Variants in XIRP2 observed in about 807,000 individuals in gnomAD.
XIRP2 encodes xin actin-binding repeat-containing protein 2.
XIRP2 carries 236 observed loss-of-function variants against 277.0 expected under a neutral mutation model. That is an observed-to-expected ratio of 0.85 (90% CI 0.77 to 0.95). The LOEUF (loss-of-function observed/expected upper bound fraction) is 0.95, where lower values mean the gene tolerates loss of function less well. Ranked by LOEUF, XIRP2 falls within the 40% of genes least tolerant of loss-of-function variation. The probability of loss-of-function intolerance (pLI) is 0.00; values close to 1 mark genes in which losing one functional copy is unlikely to be tolerated. For synonymous variants in XIRP2, 1,490 were observed against 1,416.5 expected (o/e 1.05, Z -1.17); for missense variants, 4,640 against 4,157.5 (o/e 1.12, Z -3.19).
intron 2 of XIRP2, among the ~76,000 whole-genome samples, chr2:167,053,032 G>T (rs759181981): frequency 2.0e-5 from 3 of 152,180 alleles, no homozygotes; most frequent in Non-Finnish European, 4.4e-5. Flanking sequence ...GATAGTTAAT[G>T]CATGACTCAG....
At position 166,903,764 on chromosome 2, in the gene XIRP2, A is replaced by T. The variant is rs199731929; in HGVS notation, c.282A>T (p.Glu94Asp). 5.1e-5 allele frequency: 82 copies of T among 1,613,544 alleles called. No individual in the cohort carries two copies. Among genetic ancestry groups the T allele is most frequent in the Middle Eastern group, 4.9e-4 (3 of 6,082 alleles). The change falls in exon 2 of 11, where the codon GAA (glutamate) becomes GAT (aspartate). Residue 94 changes from glutamate (E) to aspartate (D), a missense_variant. Transcript: ENST00000409195. ...ACACCAGGGAATATGGTCGGCCAGAAGTGCTGAAGGAGGATTCCCTGAGCA... is the reference window on the plus strand; with the variant it reads ...ACACCAGGGAATATGGTCGGCCAGATGTGCTGAAGGAGGATTCCCTGAGCA... ...SNNTREYGRP[E>D]VLKEDSLSSR...
intron 2 of XIRP2, among the ~76,000 whole-genome samples, chr2:167,051,296 TGTG>T (rs1489500027): frequency 8.5e-5 from 13 of 152,142 alleles, no homozygotes; most frequent in Non-Finnish European, 1.5e-4. Flanking sequence ...CCATTTACAG[TGTG>T]TCACCTCTAA....
intron 3 of XIRP2, among the ~76,000 whole-genome samples, chr2:167,169,337 A>G (rs1692616475): frequency 6.6e-6 from 1 of 152,216 alleles, no homozygotes; most frequent in South Asian, 2.1e-4. Flanking sequence ...GGGCTCTCCT[A>G]TGACTGCGTG....
At chr2:166,985,500 C>T (rs1282352623) in intron 2 of XIRP2, among the ~76,000 whole-genome samples, 3 of 151,534 alleles carry the variant, frequency 2.0e-5, no homozygotes, top group Non-Finnish European at 2.9e-5. Context: ...GTACGATCTC[C>T]GCTCACTGCA....
chr2:167,071,495 A>G (rs1392333818), intron 2 of XIRP2, among the ~76,000 whole-genome samples: 1 of 152,146 alleles, frequency 6.6e-6, no homozygotes, highest in Non-Finnish European at 1.5e-5. Context: ...TTTTCCTTGA[A>G]AGCTAAACTT....
chr2:167,249,085 A>G lies in XIRP2; in HGVS notation c.7693A>G (p.Ser2565Gly), dbSNP rs1573998366. 6.2e-7 allele frequency: 1 copy of G among 1,613,576 alleles called. No individual in the cohort carries two copies. The highest frequency in any genetic ancestry group is 2.2e-5 in the East Asian group (1 of 44,844). ...KEEIEKQKQE[S>G]SYYNIVKTQS... ...AGAAATTGAAAAACAGAAACAGGAGAGTTCTTACTACAACATTGTTAAAAC... is the reference window on the plus strand; with the variant it reads ...AGAAATTGAAAAACAGAAACAGGAGGGTTCTTACTACAACATTGTTAAAAC... Residue 2565 changes from serine (S) to glycine (G), a missense_variant, in exon 9 of 11, where the codon AGT becomes GGT. By Grantham distance (56) the Ser-to-Gly change is moderately conservative (BLOSUM62 0). Coordinates refer to ENST00000409195, the MANE Select transcript of XIRP2 (RefSeq NM_152381.6).
intron 2 of XIRP2, among the ~76,000 whole-genome samples, chr2:167,021,279 C>T (rs1177576426): frequency 6.6e-6 from 1 of 152,002 alleles, no homozygotes; most frequent in Admixed American, 6.6e-5. Context: ...TTCTTTATTG[C>T]TCTATTTGAA....
At chr2:166,999,793 C>T (rs549514337) in intron 2 of XIRP2, among the ~76,000 whole-genome samples, 12 of 152,050 alleles carry the variant, frequency 7.9e-5, no homozygotes, top group Admixed American at 6.5e-4. Flanking sequence ...ACATAGAGAA[C>T]TAAAAATTCA....
At chr2:166,917,682 C>G (rs1684927114) in intron 2 of XIRP2, among the ~76,000 whole-genome samples, 1 of 151,954 alleles carries the variant, frequency 6.6e-6, no homozygotes, top group African/African-American at 2.4e-5. Flanking sequence ...TTGCCTTCCA[C>G]TGGGAAAACT....
intron 1 of XIRP2, among the ~76,000 whole-genome samples, chr2:166,894,065 C>A (rs6732661): frequency 0.21 from 31,861 of 151,946 alleles, 4,000 homozygotes; most frequent in Admixed American, 0.28. Flanking sequence ...GCTTGACAGG[C>A]AAAATTGTGG....
intron 2 of XIRP2, among the ~76,000 whole-genome samples, chr2:166,908,320 G>T (rs1684587310): frequency 6.6e-6 from 1 of 152,182 alleles, no homozygotes. Flanking sequence ...ACTGGTGTGA[G>T]ATGGTATCTC....
intron 2 of XIRP2, among the ~76,000 whole-genome samples, chr2:166,911,689 G>A (rs928896553): frequency 9.9e-5 from 15 of 151,980 alleles, no homozygotes; most frequent in Admixed American, 5.3e-4. Flanking sequence ...TAGTTGATGC[G>A]GTTTCTTCCT....
At chr2:167,203,079 A>T (rs1321557956) in intron 3 of XIRP2, among the ~76,000 whole-genome samples, 2 of 152,142 alleles carry the variant, frequency 1.3e-5, no homozygotes, top group Non-Finnish European at 2.9e-5. Flanking sequence ...CATTGAACCC[A>T]CTTGGATAAC....
chr2:166,969,630 T>G (rs957807179), intron 2 of XIRP2, among the ~76,000 whole-genome samples: 1 of 151,942 alleles, frequency 6.6e-6, no homozygotes, highest in Non-Finnish European at 1.5e-5. Flanking sequence ...AAAAATATTT[T>G]AAAGCATCCC....
At chr2:166,958,022 G>C (rs1185896319) in intron 2 of XIRP2, among the ~76,000 whole-genome samples, 2 of 151,814 alleles carry the variant, frequency 1.3e-5, no homozygotes, top group Non-Finnish European at 2.9e-5. Flanking sequence ...AGAGGAAAAA[G>C]CTTGAGAATC....
intron 2 of XIRP2, among the ~76,000 whole-genome samples, chr2:167,032,286 C>T (rs904838978): frequency 2.0e-5 from 3 of 152,038 alleles, no homozygotes; most frequent in Non-Finnish European, 4.4e-5. Flanking sequence ...TTCCTTACAC[C>T]TTACACAAAA....
intron 3 of XIRP2, among the ~76,000 whole-genome samples, chr2:167,174,934 C>T (rs1692796599): frequency 6.6e-6 from 1 of 152,112 alleles, no homozygotes; most frequent in Non-Finnish European, 1.5e-5. Flanking sequence ...TTTAATTGCA[C>T]TGTGGTCTGA....
intron 1 of XIRP2, among the ~76,000 whole-genome samples, chr2:166,892,652 C>T (rs1405479726): frequency 6.6e-6 from 1 of 151,938 alleles, no homozygotes; most frequent in Non-Finnish European, 1.5e-5. Flanking sequence ...CAGGTCCCCA[C>T]AGCAAATATG....
intron 3 of XIRP2, among the ~76,000 whole-genome samples, chr2:167,138,797 G>T (rs1558993585): frequency 6.6e-6 from 1 of 152,162 alleles, no homozygotes; most frequent in Non-Finnish European, 1.5e-5. Flanking sequence ...TGGGCACAGT[G>T]ACTCATGCCT....
Sources: allele counts gnomAD v4.1 joint callset (sites outside exome capture counted in the v4.1 genomes callset), GRCh38; gene constraint gnomAD v4.1.1; transcripts MANE v1.5; gene names NCBI Gene and HGNC (gene_info 2026-07-23, HGNC 2026-07-21).